Variants in MPDZ observed in about 807,000 individuals in gnomAD.
MPDZ encodes the protein multiple PDZ domain crumbs cell polarity complex component, also known as multiple PDZ domain protein.
A neutral mutation model predicts 239.1 loss-of-function variants in MPDZ; 234 were observed. That is an observed-to-expected ratio of 0.98 (90% CI 0.88 to 1.09). MPDZ has a LOEUF of 1.09. Among genes scored for constraint, MPDZ ranks in the 50% least tolerant of loss-of-function variants. The pLI, the probability that MPDZ is intolerant of heterozygous loss-of-function variation, is 0.00. For missense variants in MPDZ, 3,175 were observed against 2,510.0 expected, an observed-to-expected ratio of 1.26 and a Z score of -5.66; for synonymous variants, 1,048 against 881.3, an observed-to-expected ratio of 1.19 and a Z score of -3.35.
intron 19 of MPDZ, among the ~76,000 whole-genome samples, chr9:13,181,759 T>C (rs1423167124): frequency 1.3e-5 from 2 of 152,142 alleles, no homozygotes; most frequent in Non-Finnish European, 2.9e-5. Context: ...AGTATGCAGA[T>C]TGTGTAATCC....
chr9:13,167,552 A>G (rs759699035), intron 22 of MPDZ, among the ~76,000 whole-genome samples: 15 of 152,140 alleles, frequency 9.9e-5, no homozygotes, highest in Non-Finnish European at 2.1e-4. Context: ...ATTAATACAA[A>G]AAAGTCCCCC....
At position 13,193,181 on chromosome 9, in the gene MPDZ, C is replaced by T; in HGVS notation, c.1789G>A (p.Asp597Asn). ...TAGCTCCTTACTTCCAATAGCTCGT[C>T]TCCACTGAAGAGCTTCCCGCTGTGT... ...VGHSGKLFSG[D>N]ELLEVNGITL... Residue 597 changes from aspartate to asparagine, a missense_variant, in exon 14 of 47, where the codon GAC becomes AAC. By Grantham distance (23) the Asp-to-Asn change is conservative (BLOSUM62 1). Transcript: ENST00000319217. 6.3e-7 allele frequency: 1 copy of T among 1,580,468 alleles called. No homozygotes were observed. The highest frequency in any genetic ancestry group is 8.6e-7 in the Non-Finnish European group (1 of 1,161,066).
At chr9:13,270,962 A>C (rs946741124) in intron 1 of MPDZ, among the ~76,000 whole-genome samples, 2 of 152,136 alleles carry the variant, frequency 1.3e-5, no homozygotes, top group African/African-American at 4.8e-5. Flanking sequence ...AAAACATGCA[A>C]GTGGGTGAGG....
chr9:13,190,928 A>C (rs948752569), intron 15 of MPDZ, among the ~76,000 whole-genome samples: 6 of 152,132 alleles, frequency 3.9e-5, no homozygotes, highest in Non-Finnish European at 8.8e-5. Flanking sequence ...GGACTAAATG[A>C]AGTAACATAT....
chr9:13,275,341 A>C lies in MPDZ; in HGVS notation c.-58+4059T>G, dbSNP rs1453642892. Among the ~76,000 whole-genome samples the C allele has an allele frequency of 1.1e-4, 17 of 152,196 alleles. 1 individual carries two copies. The highest frequency in any genetic ancestry group is 1.1e-3 in the Admixed American group (17 of 15,276). Reference sequence around the variant, plus strand: ...AAAATTAGGCTATAGACATACACAGAGGGAGGGCATGTGAAGAAACAGGGA... The same window carrying C: ...AAAATTAGGCTATAGACATACACAGCGGGAGGGCATGTGAAGAAACAGGGA... On this transcript the variant is annotated intron_variant, in intron 1 of 46. Transcript: ENST00000319217.
chr9:13,197,438 C>T (rs182483028), intron 12 of MPDZ, among the ~76,000 whole-genome samples: 200 of 152,002 alleles, frequency 1.3e-3, no homozygotes, highest in Non-Finnish European at 2.2e-3. Flanking sequence ...CTAACACTAT[C>T]GGGTGACTAT....
chr9:13,170,917 G>A (rs1951700267), intron 21 of MPDZ, among the ~76,000 whole-genome samples: 1 of 152,164 alleles, frequency 6.6e-6, no homozygotes, highest in Non-Finnish European at 1.5e-5. Flanking sequence ...GATTTTGGTT[G>A]TAACTTGTAA....
chr9:13,206,046 C>A lies in MPDZ; in HGVS notation c.1344G>T (p.Leu448Phe). The A allele has an allele frequency of 6.2e-7, 1 of 1,611,382 alleles. No individual in the cohort carries two copies. Among genetic ancestry groups the A allele is most frequent in the Non-Finnish European group, 8.5e-7 (1 of 1,179,318 alleles). The change falls in exon 11 of 47, where the codon TTG (leucine) becomes TTT (phenylalanine). Residue 448 changes from leucine to phenylalanine, a missense_variant. Transcript: ENST00000319217. ...GGAGCACAGTTTGTCCTGTATGTCGCAATACCTCTACTGCTTGCTGATTAG... is the reference window on the plus strand; with the variant it reads ...GGAGCACAGTTTGTCCTGTATGTCGAAATACCTCTACTGCTTGCTGATTAG... ...GFTNQQAVEV[L>F]RHTGQTVLLT... is the part of the protein sequence containing the mutation.
chr9:13,199,061 A>C (rs1034427792), intron 12 of MPDZ, among the ~76,000 whole-genome samples: 35 of 151,876 alleles, frequency 2.3e-4, no homozygotes, highest in African/African-American at 8.0e-4. Flanking sequence ...CCATTGGTAT[A>C]TTCATAGGTA....
chr9:13,223,102 A>G (rs1447879549), intron 5 of MPDZ, among the ~76,000 whole-genome samples: 2 of 152,194 alleles, frequency 1.3e-5, no homozygotes, highest in East Asian at 3.9e-4. Flanking sequence ...CACAGGCTAT[A>G]TACAAATACT....
At chr9:13,216,691 T>C (rs537038870) in intron 10 of MPDZ, 83 bp downstream of exon 10, 12 of 995,762 alleles carry the variant, frequency 1.2e-5, no homozygotes, top group Non-Finnish European at 1.7e-5. Flanking sequence ...GAGTTAACTC[T>C]AGCTCTCAAA....
intron 32 of MPDZ, among the ~76,000 whole-genome samples, chr9:13,131,858 T>A (rs1452236878): frequency 6.6e-6 from 1 of 152,158 alleles, no homozygotes; most frequent in African/African-American, 2.4e-5. Flanking sequence ...GCTTTGCATA[T>A]ACCTGCTCAC....
At chr9:13,262,344 G>T (rs544299595) in intron 1 of MPDZ, among the ~76,000 whole-genome samples, 1 of 152,086 alleles carries the variant, frequency 6.6e-6, no homozygotes, top group Non-Finnish European at 1.5e-5. Context: ...CTGCTATTCA[G>T]GAGGCTGAAG....
intron 10 of MPDZ, among the ~76,000 whole-genome samples, chr9:13,208,658 T>C (rs1957265101): frequency 6.7e-6 from 1 of 149,408 alleles, no homozygotes; most frequent in Admixed American, 6.7e-5. Flanking sequence ...ATGTCTAAGT[T>C]TATATAGGAT....
At chr9:13,115,907 T>C (rs1943353652) in intron 39 of MPDZ, among the ~76,000 whole-genome samples, 1 of 138,406 alleles carries the variant, frequency 7.2e-6, no homozygotes, top group East Asian at 2.1e-4. Context: ...ATCATGCCAC[T>C]GCACTCCACC....
In MPDZ at chr9:13,147,553, G is replaced by A. The variant is rs200844814; in HGVS notation, c.3736C>T (p.Pro1246Ser). 2 of 1,610,770 alleles carry A rather than the reference G, an allele frequency of 1.2e-6. No homozygotes were observed. The highest frequency in any genetic ancestry group is 1.7e-6 in the Non-Finnish European group (2 of 1,177,514). ...VFMVQSIINR[P>S]RKSPLPSLLH... is the part of the protein sequence containing the mutation. ...TGCCCTTTGTGTTCGCTTACCCTTG[G>A]TCTGTTTATAATGCTCTGTACCATA... Residue 1246 changes from proline (P) to serine (S), a missense_variant, in exon 26 of 47, where the codon CCA (proline) becomes TCA (serine). Pro to Ser is a moderately conservative substitution (Grantham distance 74). Coordinates refer to ENST00000319217, the MANE Select transcript of MPDZ (RefSeq NM_001378778.1).
chr9:13,154,677 T>C (rs1158928107), intron 24 of MPDZ, among the ~76,000 whole-genome samples: 1 of 152,100 alleles, frequency 6.6e-6, no homozygotes, highest in African/African-American at 2.4e-5. Flanking sequence ...GTTGTGGTGG[T>C]GATGAAGGTG....
rs1951360902 is a variant in MPDZ at position 13,168,428 on chromosome 9, A to G, written c.3192T>C (p.Ser1064=). The G allele has an allele frequency of 1.9e-6, 3 of 1,613,432 alleles. No individual in the cohort carries two copies. The highest frequency in any genetic ancestry group is 1.3e-5 in the African/African-American group (1 of 74,880). Residue 1064 remains serine, a synonymous_variant, in exon 22 of 47, where the codon AGT becomes AGC. Transcript: ENST00000319217. ...TAGCTCGTGCCTGGGCATTGGTTAC[A>G]CTGATGGTAGACTCTTCATTAATGG... ...ILSINEESTI[S]VTNAQARAML...
At chr9:13,210,109 G>A (rs986494870) in intron 10 of MPDZ, among the ~76,000 whole-genome samples, 38 of 151,084 alleles carry the variant, frequency 2.5e-4, no homozygotes, top group African/African-American at 8.7e-4. Context: ...ATGTATCCTG[G>A]TAAAATTCTT....
Sources: gnomAD v4.1 joint callset for allele counts (sites outside exome capture counted in the v4.1 genomes callset) on GRCh38, gnomAD v4.1.1 for gene constraint, MANE v1.5 for transcripts, NCBI Gene and HGNC (gene_info 2026-07-23, HGNC 2026-07-21) for gene names.